Variants in DEFB107B observed in about 807,000 individuals in gnomAD.
DEFB107B encodes beta-defensin 107.
intron 1 of DEFB107B, among the ~76,000 whole-genome samples, chr8:7,508,728 GA>G (rs1161248739): frequency 1.9e-4 from 17 of 89,570 alleles, no homozygotes; most frequent in South Asian, 7.4e-4. Flanking sequence ...GGATACAGGG[GA>G]AAAAAAATCT....
At chr8:7,496,502 G>A (rs573008040) in intron 1 of DEFB107B, among the ~76,000 whole-genome samples, 16 of 152,036 alleles carry the variant, frequency 1.1e-4, no homozygotes, top group Middle Eastern at 3.4e-3. Flanking sequence ...GGGTTTCACC[G>A]TGTTAGCCAG....
intron 1 of DEFB107B, among the ~76,000 whole-genome samples, chr8:7,497,411 G>C (rs1377692273): frequency 1.3e-5 from 2 of 151,796 alleles, no homozygotes; most frequent in African/African-American, 4.8e-5. Flanking sequence ...ATTATAAAGA[G>C]AAGTCATAGA....
chr8:7,497,576 T>A (rs1194617258), intron 1 of DEFB107B, among the ~76,000 whole-genome samples: 1 of 152,146 alleles, frequency 6.6e-6, no homozygotes, highest in African/African-American at 2.4e-5. Flanking sequence ...AAAGTCTCAG[T>A]TGTAAAATCA....
chr8:7,506,454 CACAGAG>C (rs1215837297), intron 1 of DEFB107B, among the ~76,000 whole-genome samples: 1 of 13,446 alleles, frequency 7.4e-5, no homozygotes, highest in African/African-American at 1.9e-4. Flanking sequence ...AAGAAAAAGA[CACAGAG>C]ACAAAGTATA....
rs1300554561 is a variant in DEFB107B at position 7,503,741 on chromosome 8, G to A, written c.71-5340G>A. Among the ~76,000 whole-genome samples the A allele has an allele frequency of 1.7e-4, 4 of 23,372 alleles. 2 individuals carry two copies. Among genetic ancestry groups the A allele is most frequent in the East Asian group, 6.5e-3 (2 of 308 alleles). The allele number at this position is 23,372 out of a possible 152,430, so 15.3% of individuals were successfully genotyped here. A position where few individuals can be genotyped will look rare whatever the true frequency, so the allele number is the denominator to read the frequency against. ...ACACTTCTGAGGCTGTGCCTATGCCGACAAGTCCTATAACAGCCTTTTGTT... is the reference window on the plus strand; with the variant it reads ...ACACTTCTGAGGCTGTGCCTATGCCAACAAGTCCTATAACAGCCTTTTGTT... On this transcript the variant is annotated intron_variant, in intron 1 of 1. Transcript: ENST00000355602.
At chr8:7,508,050 T>C (rs1156822358) in intron 1 of DEFB107B, among the ~76,000 whole-genome samples, 4 of 17,758 alleles carry the variant, frequency 2.3e-4, no homozygotes, top group Non-Finnish European at 5.6e-4. Flanking sequence ...TGATTCAGTA[T>C]TGAACACCCT....
chr8:7,504,260 G>A (rs1164264109), intron 1 of DEFB107B, among the ~76,000 whole-genome samples: 89 of 29,764 alleles, frequency 3.0e-3, no homozygotes, highest in East Asian at 7.4e-3. Context: ...CGCTTGTGGC[G>A]GGGGACAATT....
chr8:7,497,690 C>G (rs1025032346), intron 1 of DEFB107B, among the ~76,000 whole-genome samples: 1 of 148,150 alleles, frequency 6.7e-6, no homozygotes, highest in Non-Finnish European at 1.5e-5. Context: ...TTAATCAGTA[C>G]TCCAATTTAT....
At chr8:7,497,626 C>T (rs1244289973) in intron 1 of DEFB107B, among the ~76,000 whole-genome samples, 2 of 151,942 alleles carry the variant, frequency 1.3e-5, no homozygotes, top group South Asian at 2.1e-4. Flanking sequence ...TTGCAGATGT[C>T]AGACAATGCT....
intron 1 of DEFB107B, among the ~76,000 whole-genome samples, chr8:7,496,557 C>T (rs1242016559): frequency 2.6e-5 from 4 of 151,142 alleles, no homozygotes; most frequent in African/African-American, 7.3e-5. Flanking sequence ...TCCTCGGCCT[C>T]CCAGAGCCCT....
intron 1 of DEFB107B, among the ~76,000 whole-genome samples, chr8:7,507,786 T>C (rs1811974572): frequency 2.1e-5 from 3 of 140,714 alleles, no homozygotes; most frequent in Non-Finnish European, 4.5e-5. Context: ...CCTTTTTCAT[T>C]TTTCCAAATT....
chr8:7,502,423 G>A (rs370493740), intron 1 of DEFB107B, among the ~76,000 whole-genome samples: 2 of 22,198 alleles, frequency 9.0e-5, no homozygotes, highest in African/African-American at 1.6e-4. Context: ...AATGATACCT[G>A]TTGGAGAATG....
chr8:7,496,493 G>T (rs553243119), intron 1 of DEFB107B, among the ~76,000 whole-genome samples: 1 of 151,978 alleles, frequency 6.6e-6, no homozygotes, highest in South Asian at 2.1e-4. Context: ...GTAGAGACGG[G>T]GTTTCACCGT....
chr8:7,496,506 T>TA (rs1376721707), intron 1 of DEFB107B, among the ~76,000 whole-genome samples: 1 of 152,104 alleles, frequency 6.6e-6, no homozygotes, highest in Non-Finnish European at 1.5e-5. Context: ...TTCACCGTGT[T>TA]AGCCAGGATG....
intron 1 of DEFB107B, among the ~76,000 whole-genome samples, chr8:7,496,813 A>G (rs1811766748): frequency 8.9e-6 from 1 of 112,836 alleles, no homozygotes; most frequent in South Asian, 3.1e-4. Flanking sequence ...ACATTATTTT[A>G]GACTTTTTGG....
chr8:7,507,273 C>G lies in DEFB107B; in HGVS notation c.71-1808C>G, dbSNP rs1333334551. Among the ~76,000 whole-genome samples, 2 of 21,008 alleles carry G rather than the reference C, an allele frequency of 9.5e-5. 1 individual carries two copies. The highest frequency in any genetic ancestry group is 3.9e-4 in the Non-Finnish European group (2 of 5,134). The allele number at this position is 21,008 out of a possible 152,430, so 13.8% of individuals were successfully genotyped here. A position where few individuals can be genotyped will look rare whatever the true frequency, so the allele number is the denominator to read the frequency against. On this transcript the variant is annotated intron_variant, in intron 1 of 1. Coordinates refer to ENST00000355602, the MANE Select transcript of DEFB107B (RefSeq NM_001040705.2). ...TTCTTAGTACATAACAAAATGGAGT[C>G]TCCTATGTCTACTTCTTTCTACACA...
chr8:7,508,235 G>A lies in DEFB107B; in HGVS notation c.71-846G>A, dbSNP rs1335762901. 9.2e-5 allele frequency among the ~76,000 whole-genome samples: 13 copies of A among 141,600 alleles called. 1 individual carries two copies. Among genetic ancestry groups the A allele is most frequent in the Non-Finnish European group, 1.7e-4 (11 of 66,430 alleles). The allele number at this position is 141,600 out of a possible 152,430, so 92.9% of individuals were successfully genotyped here. On this transcript the variant is annotated intron_variant, in intron 1 of 1. Transcript: ENST00000355602. ...AATTTGAGCAGAAATCTAAGCCCCTGCAATTTCTTTCCATTAGTCTTTGCC... is the reference window on the plus strand; with the variant it reads ...AATTTGAGCAGAAATCTAAGCCCCTACAATTTCTTTCCATTAGTCTTTGCC...
intron 1 of DEFB107B, among the ~76,000 whole-genome samples, chr8:7,496,421 T>A (rs1487400194): frequency 1.4e-5 from 2 of 140,410 alleles, no homozygotes; most frequent in African/African-American, 5.3e-5. Flanking sequence ...TGCCTCAGCC[T>A]CCCGAGTAGC....
At chr8:7,507,480 C>T (rs1585546721) in intron 1 of DEFB107B, among the ~76,000 whole-genome samples, 2 of 80,322 alleles carry the variant, frequency 2.5e-5, no homozygotes, top group East Asian at 6.4e-4. Flanking sequence ...GATGAATAAA[C>T]TTGTTATATT....
Sources: gnomAD v4.1 joint callset for allele counts (sites outside exome capture counted in the v4.1 genomes callset) on GRCh38, gnomAD v4.1.1 for gene constraint, MANE v1.5 for transcripts, NCBI Gene and HGNC (gene_info 2026-07-23, HGNC 2026-07-21) for gene names.